The following SHCBP1L variants were observed in gnomAD, a reference collection of about 807,000 sequenced individuals.
SHCBP1L encodes the protein SHC binding and spindle associated 1 like, also known as testicular spindle-associated protein SHCBP1L.
SHCBP1L carries 67 observed loss-of-function variants against 62.5 expected under a neutral mutation model. The observed-to-expected ratio is 1.07, with a 90% CI of 0.88 to 1.31. The LOEUF is 1.31. SHCBP1L is among the 40% of genes most tolerant of loss of function. The probability of loss-of-function intolerance (pLI) is 0.00; values close to 1 mark genes in which losing one functional copy is unlikely to be tolerated. For missense variants in SHCBP1L, 823 were observed against 809.8 expected (o/e 1.02, Z -0.20); for synonymous variants, 284 against 289.4 (o/e 0.98, Z 0.19).
At chr1:182,945,262 C>T (rs1558005295) in intron 2 of SHCBP1L, among the ~76,000 whole-genome samples, 1 of 151,976 alleles carries the variant, frequency 6.6e-6, no homozygotes, top group Non-Finnish European at 1.5e-5. Flanking sequence ...CTGCGCCCAG[C>T]CATTTGCTCA....
intron 5 of SHCBP1L, among the ~76,000 whole-genome samples, chr1:182,932,899 G>A (rs571614401): frequency 2.0e-4 from 30 of 151,934 alleles, no homozygotes; most frequent in African/African-American, 6.5e-4. Flanking sequence ...GTTATTGTGT[G>A]TGTTAGCAAT....
intron 6 of SHCBP1L, among the ~76,000 whole-genome samples, chr1:182,924,196 T>A (rs1650603303): frequency 6.6e-6 from 1 of 151,956 alleles, no homozygotes; most frequent in South Asian, 2.1e-4. Flanking sequence ...GTGAAAAAGC[T>A]CTACAACAAG....
chr1:182,900,226 TG>T lies in SHCBP1L; in HGVS notation c.1718del (p.Pro573GlnfsTer5). 1.3e-6 allele frequency: 2 copies of T among 1,550,838 alleles called. No homozygotes were observed. Among genetic ancestry groups the T allele is most frequent in the Non-Finnish European group, 1.7e-6 (2 of 1,151,706 alleles). ...TATTAGTCATCTTCAATTTGGGTGC[TG>T]GAAGAACCTATTAAATTATTTGAGG... ...TLGGVNMKVLPAPKLKMTNNH... is the reference protein window; with the variant it reads ...TLGGVNMKVLXAPKLKMTNNH... On this transcript the variant is annotated frameshift_variant, in exon 10 of 10. Transcript: ENST00000367547. LOFTEE classifies it high-confidence loss of function.
Position 182,952,930 on chromosome 1 carries a change from C to T in SHCBP1L, c.204G>A (p.Leu68=). 6.4e-7 allele frequency: 1 copy of T among 1,557,610 alleles called. No homozygotes were observed. Among genetic ancestry groups the T allele is most frequent in the Non-Finnish European group, 8.7e-7 (1 of 1,152,768 alleles). Residue 68 remains leucine (L), a synonymous_variant, in exon 1 of 10, where the codon CTG becomes CTA. Transcript: ENST00000367547. ...GAGCCGCGGGCAGGCGCTGGAGCCG[C>T]AGCCTGGCCGTCTCCCGGCCCGCTT... The part of the protein sequence containing the change: ...KGKAGRETAR[L]RLQRLPAAQA...
Position 182,916,855 on chromosome 1 carries a change from C to G in SHCBP1L, c.1183-11206G>C, listed in dbSNP as rs1650372024. On this transcript the variant is annotated intron_variant, in intron 6 of 9. Coordinates refer to ENST00000367547, the MANE Select transcript of SHCBP1L (RefSeq NM_030933.4). ...AACACTAAATAATAACTTATGAATG[C>G]AAAGAGGAAAACAACAGACACTGGT... Among the ~76,000 whole-genome samples the G allele has an allele frequency of 2.6e-5, 4 of 152,156 alleles. No homozygotes were observed. In the South Asian group the frequency reaches 8.3e-4, roughly 32 times the overall value.
At chr1:182,914,352 T>A (rs1005844579) in intron 6 of SHCBP1L, among the ~76,000 whole-genome samples, 12 of 152,004 alleles carry the variant, frequency 7.9e-5, no homozygotes, top group African/African-American at 2.9e-4. Context: ...CAAGGGTAAA[T>A]ATAAAGGCAG....
intron 2 of SHCBP1L, among the ~76,000 whole-genome samples, chr1:182,944,078 G>A (rs927840058): frequency 5.8e-4 from 87 of 150,428 alleles, no homozygotes; most frequent in African/African-American, 2.0e-3. Flanking sequence ...CCGAGATCGC[G>A]CCACTGCACT....
intron 9 of SHCBP1L, among the ~76,000 whole-genome samples, chr1:182,902,566 C>G (rs906983605): frequency 6.6e-6 from 1 of 152,092 alleles, no homozygotes; most frequent in East Asian, 1.9e-4. Context: ...TAGAGAGGGA[C>G]TTAGAAAGAC....
chr1:182,922,236 A>T (rs139034208), intron 6 of SHCBP1L, among the ~76,000 whole-genome samples: 1 of 152,312 alleles, frequency 6.6e-6, no homozygotes, highest in East Asian at 1.9e-4. Context: ...TATTAGACAG[A>T]TAATTGAGGC....
intron 7 of SHCBP1L, 147 bp from the exon 8 acceptor site, chr1:182,904,577 G>C: frequency 1.2e-6 from 1 of 807,982 alleles, no homozygotes; most frequent in African/African-American, 1.8e-5. Flanking sequence ...GTGTGTGTGT[G>C]CGCATGCGCA....
chr1:182,905,782 G>T, intron 6 of SHCBP1L, 133 bp from the exon 7 acceptor site: 2 of 765,636 alleles, frequency 2.6e-6, no homozygotes, highest in Non-Finnish European at 4.1e-6. Flanking sequence ...TTTATTAAAT[G>T]CTCAAAGTAT....
chr1:182,900,325 T>C, intron 9 of SHCBP1L, 91 bp from the exon 10 acceptor site: 1 of 1,116,588 alleles, frequency 9.0e-7, no homozygotes, highest in Non-Finnish European at 1.2e-6. Flanking sequence ...GACTTTATTC[T>C]TGGATTAACA....
At position 182,952,947 on chromosome 1, in the gene SHCBP1L, G is replaced by A; in HGVS notation, c.187C>T (p.Arg63Trp). The change falls in exon 1 of 10, where the codon CGG becomes TGG. Residue 63 changes from arginine (R) to tryptophan (W), a missense_variant. By Grantham distance (101) the Arg-to-Trp change is moderately radical. Transcript: ENST00000367547. ...SPRPVKGKAGRETARLRLQRL... is the reference protein window; with the variant it reads ...SPRPVKGKAGWETARLRLQRL... ...TGGAGCCGCAGCCTGGCCGTCTCCC[G>A]GCCCGCTTTCCCCTTCACCGGGCGA... 1.3e-6 allele frequency: 2 copies of A among 1,549,906 alleles called. No individual in the cohort carries two copies. Among genetic ancestry groups the A allele is most frequent in the South Asian group, 1.2e-5 (1 of 84,788 alleles).
chr1:182,906,238 G>A (rs1022200556), intron 6 of SHCBP1L, among the ~76,000 whole-genome samples: 1 of 149,954 alleles, frequency 6.7e-6, no homozygotes, highest in Non-Finnish European at 1.5e-5. Context: ...GCCCGGCAAC[G>A]TAAGTATTAT....
chr1:182,952,542 A>G, intron 1 of SHCBP1L, 187 bp downstream of exon 1: 2 of 645,070 alleles, frequency 3.1e-6, no homozygotes, highest in Non-Finnish European at 4.9e-6. Context: ...TAACTCCTCT[A>G]GGGCAGGACG....
chr1:182,948,740 A>G (rs1651651510), intron 2 of SHCBP1L, among the ~76,000 whole-genome samples: 1 of 152,204 alleles, frequency 6.6e-6, no homozygotes, highest in East Asian at 1.9e-4. Flanking sequence ...AAAAGCGATC[A>G]GGGGCCCATA....
At chr1:182,926,196 G>A (rs1176055423) in intron 6 of SHCBP1L, among the ~76,000 whole-genome samples, 2 of 152,000 alleles carry the variant, frequency 1.3e-5, no homozygotes, top group Non-Finnish European at 2.9e-5. Context: ...TTCACCTCAA[G>A]TTTTTTAAGA....
Position 182,903,130 on chromosome 1 carries a change from AT to A in SHCBP1L, c.1618del (p.Ile540Ter). The A allele has an allele frequency of 6.2e-7, 1 of 1,601,698 alleles. No individual in the cohort carries two copies. Among genetic ancestry groups the A allele is most frequent in the South Asian group, 1.1e-5 (1 of 88,904 alleles). ...GAGVELYPGS[I>X]AILERNEIHH... ...AATTTCATTTCTTTCCAAAATAGCT[AT>A]GCTTCCAGGATACAGTTCAACACCA... On this transcript the variant is annotated frameshift_variant, in exon 9 of 10. Transcript: ENST00000367547. LOFTEE classifies it high-confidence loss of function.
chr1:182,941,943 A>G (rs1651381726), intron 2 of SHCBP1L, among the ~76,000 whole-genome samples: 1 of 152,236 alleles, frequency 6.6e-6, no homozygotes, highest in Non-Finnish European at 1.5e-5. Context: ...AAAAAAAAGC[A>G]TTTACACTTA....
Sources: gnomAD v4.1 joint callset for allele counts (sites outside exome capture counted in the v4.1 genomes callset) on GRCh38, gnomAD v4.1.1 for gene constraint, MANE v1.5 for transcripts, NCBI Gene and HGNC (gene_info 2026-07-23, HGNC 2026-07-21) for gene names.